Variants in UBE2J1 observed in about 807,000 individuals in gnomAD.
The protein encoded by UBE2J1 is ubiquitin-conjugating enzyme E2 J1.
UBE2J1 carries 17 observed loss-of-function variants against 42.1 expected under a neutral mutation model. The ratio of observed to expected loss-of-function variants is 0.40; its 90% CI spans 0.28 to 0.61. The LOEUF is 0.61. UBE2J1 is among the 20% of genes least tolerant of loss of function. UBE2J1 has a pLI of 0.38. For missense variants in UBE2J1, 291 were observed against 389.4 expected, an observed-to-expected ratio of 0.75 and a Z score of 2.13; for synonymous variants, 127 against 137.2, an observed-to-expected ratio of 0.93 and a Z score of 0.52.
chr6:89,336,794 T>C (rs1018074945), intron 5 of UBE2J1, among the ~76,000 whole-genome samples: 1 of 152,128 alleles, frequency 6.6e-6, no homozygotes, highest in Non-Finnish European at 1.5e-5. Flanking sequence ...TTGAATGTAT[T>C]AGTTTATCCA....
At position 89,340,742 on chromosome 6, in the gene UBE2J1, G is replaced by GTATTTATT. The variant is rs138529944; in HGVS notation, c.237+1574_237+1581dup. On this transcript the variant is annotated intron_variant, in intron 3 of 7. Coordinates refer to ENST00000435041, the MANE Select transcript of UBE2J1 (RefSeq NM_016021.3). ...TAGAGGTAAAAGCAGCATTAATTTG[G>GTATTTATT]TATTTATTTATTTATTTATTTATTT... is the stretch of plus-strand genomic sequence containing the variant. 1.5e-3 allele frequency among the ~76,000 whole-genome samples: 228 copies of GTATTTATT among 148,308 alleles called. 2 individuals carry two copies. Among genetic ancestry groups the GTATTTATT allele is most frequent in the East Asian group, 6.7e-3 (34 of 5,038 alleles).
At chr6:89,351,987 T>TG in intron 1 of UBE2J1, among the ~76,000 whole-genome samples, 1 of 152,182 alleles carries the variant, frequency 6.6e-6, no homozygotes, top group Admixed American at 6.5e-5. Flanking sequence ...CTCAACGAGG[T>TG]GTTTTTTTGT....
intron 1 of UBE2J1, among the ~76,000 whole-genome samples, chr6:89,345,273 A>G (rs1388897424): frequency 6.6e-6 from 1 of 152,220 alleles, no homozygotes; most frequent in Non-Finnish European, 1.5e-5. Flanking sequence ...GTATATAACC[A>G]CAATGGTTTG....
intron 1 of UBE2J1, among the ~76,000 whole-genome samples, chr6:89,349,685 A>G (rs1271855271): frequency 6.6e-6 from 1 of 152,152 alleles, no homozygotes; most frequent in Non-Finnish European, 1.5e-5. Flanking sequence ...AGTTCTGTGT[A>G]TCTATAGCTT....
rs1456181590 is a variant in UBE2J1 at position 89,329,627 on chromosome 6, C to T, written c.*52G>A. ...AACAATTCTTAGATTATACCCAATG[C>T]AGAATGTTTAATGAAGCAGTTGAGT... On this transcript the variant is annotated 3_prime_UTR_variant, in exon 8 of 8. Transcript: ENST00000435041. 3 of 1,574,458 alleles carry T rather than the reference C, an allele frequency of 1.9e-6. No homozygotes were observed. Among genetic ancestry groups the T allele is most frequent in the Non-Finnish European group, 2.6e-6 (3 of 1,147,388 alleles).
At chr6:89,340,603 T>C (rs777914220) in intron 3 of UBE2J1, among the ~76,000 whole-genome samples, 1 of 152,166 alleles carries the variant, frequency 6.6e-6, no homozygotes, top group Non-Finnish European at 1.5e-5. Context: ...TTTTGACTGA[T>C]GAGAAAACAA....
chr6:89,350,177 A>C (rs1322240483), intron 1 of UBE2J1, among the ~76,000 whole-genome samples: 1 of 152,248 alleles, frequency 6.6e-6, no homozygotes, highest in Non-Finnish European at 1.5e-5. Flanking sequence ...CTATGAAATG[A>C]AAAAATTTAC....
At chr6:89,349,345 T>C (rs1768421704) in intron 1 of UBE2J1, among the ~76,000 whole-genome samples, 2 of 152,350 alleles carry the variant, frequency 1.3e-5, no homozygotes, top group South Asian at 4.1e-4. Context: ...TTGAACTTTA[T>C]TGACAGCTAT....
rs565856114 is a variant in UBE2J1, at chr6:89,327,804, C to T, written c.*1875G>A. The stretch of plus-strand genomic sequence containing the variant: ...AACGGAGGGAAGGCTGTTCCTAGCA[C>T]ACAATCTCAGCAGAGGTTGAGGTGG... On this transcript the variant is annotated 3_prime_UTR_variant, in exon 8 of 8. Coordinates refer to ENST00000435041, the MANE Select transcript of UBE2J1 (RefSeq NM_016021.3). 9.2e-5 allele frequency: 14 copies of T among 152,354 alleles called. No individual in the cohort carries two copies. The highest frequency in any genetic ancestry group is 3.4e-4 in the African/African-American group (14 of 41,574). 9.4% of individuals were successfully genotyped at this position (152,354 alleles called of 1,614,324 possible).
chr6:89,345,461 G>GAAATA (rs1768344116), intron 1 of UBE2J1, among the ~76,000 whole-genome samples: 1 of 151,850 alleles, frequency 6.6e-6, no homozygotes, highest in Non-Finnish European at 1.5e-5. Flanking sequence ...AATTAGCCAG[G>GAAATA]CATGGTGGCG....
chr6:89,341,628 G>A (rs2127869192), intron 3 of UBE2J1, among the ~76,000 whole-genome samples: 1 of 152,214 alleles, frequency 6.6e-6, no homozygotes, highest in East Asian at 1.9e-4. Context: ...GGAGGCTGAG[G>A]TGGGAGGATA....
At chr6:89,338,906 CTG>C (rs1441135632) in intron 3 of UBE2J1, among the ~76,000 whole-genome samples, 12 of 152,102 alleles carry the variant, frequency 7.9e-5, no homozygotes, top group African/African-American at 2.6e-4. Context: ...ACCTTGTGAT[CTG>C]CCCACCTTGG....
intron 1 of UBE2J1, among the ~76,000 whole-genome samples, chr6:89,348,227 A>G (rs1768397866): frequency 1.3e-5 from 2 of 152,200 alleles, no homozygotes; most frequent in South Asian, 4.1e-4. Context: ...CAGGAAAGGA[A>G]GGGGTGGCAC....
chr6:89,339,454 AG>A (rs1768188182), intron 3 of UBE2J1, among the ~76,000 whole-genome samples: 2 of 22,192 alleles, frequency 9.0e-5, no homozygotes, highest in South Asian at 1.4e-3. Flanking sequence ...AAAAGAGGAG[AG>A]GAGGGGAGGA....
intron 6 of UBE2J1, 147 bp downstream of exon 6, chr6:89,335,155 A>G (rs1000156728): frequency 1.3e-5 from 9 of 699,484 alleles, no homozygotes; most frequent in Middle Eastern, 4.5e-4. Flanking sequence ...ATGTAACCAC[A>G]GAAATTAAAA....
chr6:89,342,252 A>AG, intron 3 of UBE2J1, 72 bp downstream of exon 3: 1 of 1,535,742 alleles, frequency 6.5e-7, no homozygotes, highest in South Asian at 1.1e-5. Flanking sequence ...AATGAAAATG[A>AG]TTTGCTTACT....
intron 3 of UBE2J1, among the ~76,000 whole-genome samples, chr6:89,338,966 A>G (rs1768177826): frequency 6.6e-6 from 1 of 151,228 alleles, no homozygotes; most frequent in Non-Finnish European, 1.5e-5. Context: ...CGCCCGGCCA[A>G]AAAGATTTTT....
At chr6:89,339,377 CT>C (rs931371149) in intron 3 of UBE2J1, among the ~76,000 whole-genome samples, 2 of 135,554 alleles carry the variant, frequency 1.5e-5, no homozygotes, top group African/African-American at 5.7e-5. Flanking sequence ...CCACAGTGAA[CT>C]ATGACTGCAT....
At chr6:89,340,801 C>T (rs1374538031) in intron 3 of UBE2J1, among the ~76,000 whole-genome samples, 1 of 150,724 alleles carries the variant, frequency 6.6e-6, no homozygotes, top group East Asian at 1.9e-4. Flanking sequence ...TGGAGTCTCG[C>T]TCTGTCGCCC....
Sources: allele counts gnomAD v4.1 joint callset (sites outside exome capture counted in the v4.1 genomes callset), GRCh38; gene constraint gnomAD v4.1.1; transcripts MANE v1.5; gene names NCBI Gene and HGNC (gene_info 2026-07-23, HGNC 2026-07-21).